The following KHDRBS1 variants were observed in gnomAD, a reference collection of about 807,000 sequenced individuals.
The protein encoded by KHDRBS1 is KH RNA binding domain containing, signal transduction associated 1.
A neutral mutation model predicts 48.4 loss-of-function variants in KHDRBS1; 7 were observed. The observed-to-expected ratio is 0.14, with a 90% confidence interval of 0.08 to 0.27. KHDRBS1 has a LOEUF of 0.27. KHDRBS1 is among the 10% of genes least tolerant of loss of function. The probability of loss-of-function intolerance (pLI) is 1.00; values close to 1 mark genes in which losing one functional copy is unlikely to be tolerated. For missense variants in KHDRBS1, 458 were observed against 601.2 expected (o/e 0.76, Z 2.49); for synonymous variants, 241 against 235.8 (o/e 1.02, Z -0.20).
At chr1:32,019,613 A>T (rs1638816993) in intron 1 of KHDRBS1, among the ~76,000 whole-genome samples, 1 of 152,230 alleles carries the variant, frequency 6.6e-6, no homozygotes, top group Non-Finnish European at 1.5e-5. Context: ...TGCAGGCAAC[A>T]ACATGGAGAA....
At chr1:32,060,119 C>T (rs1212103320) in intron 10 of KHDRBS1, 2 of 152,152 alleles carry the variant, frequency 1.3e-5, no homozygotes, top group Non-Finnish European at 2.9e-5. Context: ...TGGGAAGCCC[C>T]CTAATAGGGA....
intron 8 of KHDRBS1, among the ~76,000 whole-genome samples, chr1:32,040,688 G>A (rs1354310605): frequency 6.6e-6 from 1 of 152,200 alleles, no homozygotes; most frequent in Non-Finnish European, 1.5e-5. Context: ...TGGATGCAGC[G>A]AGAGCTACCT....
At chr1:32,041,565 A>G (rs1298311592) in intron 8 of KHDRBS1, among the ~76,000 whole-genome samples, 1 of 149,442 alleles carries the variant, frequency 6.7e-6, no homozygotes, top group Non-Finnish European at 1.5e-5. Context: ...GACTTAAGAA[A>G]GGAGATAAGG....
intron 1 of KHDRBS1, among the ~76,000 whole-genome samples, chr1:32,015,421 G>A (rs1161567152): frequency 3.3e-5 from 5 of 152,126 alleles, no homozygotes; most frequent in African/African-American, 7.2e-5. Context: ...TGAGTAGTTG[G>A]ACTCTTTGGC....
intron 7 of KHDRBS1, 106 bp downstream of exon 7, chr1:32,038,725 G>C: frequency 9.3e-7 from 1 of 1,076,250 alleles, no homozygotes; most frequent in Non-Finnish European, 1.4e-6. Context: ...AGAATGGTTC[G>C]CCTTTTGAGG....
At chr1:32,045,721 A>C (rs1639348520), downstream of KHDRBS1, among the ~76,000 whole-genome samples, 1 of 152,248 alleles carries the variant, frequency 6.6e-6, no homozygotes, top group Non-Finnish European at 1.5e-5. Flanking sequence ...AAAGGTGTTA[A>C]GGGCTCAATG....
Position 32,020,070 on chromosome 1 carries a change from A to T in KHDRBS1, c.382+5693A>T, listed in dbSNP as rs901212848. On this transcript the variant is annotated intron_variant, in intron 1 of 8. Transcript: ENST00000327300. ...GGTGTGAGCCACCATGCCCAGCCCA[A>T]TGCAGGTTTTGTTTGTTTGTTTGTT... Among the ~76,000 whole-genome samples, 7 of 151,612 alleles carry T rather than the reference A, an allele frequency of 4.6e-5. No homozygotes were observed. In the South Asian group the frequency reaches 1.3e-3, roughly 27 times the overall value.
In KHDRBS1 at chr1:32,051,771, C is replaced by G. The variant is rs1639425983; in HGVS notation, n.1301+6381C>G. ...AGGGTTTGTCCCACCTTTATACTCT[C>G]TTCCACCAAATCCCACCTCCTGTCC... On this transcript the variant is annotated intron_variant and non_coding_transcript_variant, in intron 10 of 10. Coordinates refer to the KHDRBS1 transcript ENST00000484270. Among the ~76,000 whole-genome samples the G allele has an allele frequency of 2.0e-5, 3 of 152,222 alleles. No homozygotes were observed. In the South Asian group the frequency reaches 6.2e-4, roughly 32 times the overall value.
Position 32,037,162 on chromosome 1 carries a change from G to A in KHDRBS1, c.905+119G>A, listed in dbSNP as rs191453501. On this transcript the variant is annotated intron_variant, in intron 5 of 8. Transcript: ENST00000327300. ...TCTCAGGATTTGTATGTTGCATAAA[G>A]AACAGAATTCTACAACCATACTCTC... is the stretch of plus-strand genomic sequence containing the variant. 2,262 of 1,141,158 alleles carry A rather than the reference G, an allele frequency of 2.0e-3. 1 individual carries two copies. The highest frequency in any genetic ancestry group is 2.6e-3 in the Non-Finnish European group (2,078 of 812,970). 70.7% of individuals were successfully genotyped at this position (1,141,158 alleles called of 1,614,324 possible).
chr1:32,059,336 A>T (rs1639518012), intron 10 of KHDRBS1, among the ~76,000 whole-genome samples: 1 of 151,868 alleles, frequency 6.6e-6, no homozygotes, highest in Non-Finnish European at 1.5e-5. Flanking sequence ...GCAAGCCATT[A>T]AGAGGATCCC....
Position 32,037,873 on chromosome 1 carries a change from G to A in KHDRBS1, c.944G>A (p.Arg315His), listed in dbSNP as rs752942095. 5.0e-6 allele frequency: 8 copies of A among 1,614,096 alleles called. No individual in the cohort carries two copies. The Admixed American group carries it at 1.0e-4, about 20-fold the overall frequency. The part of the protein sequence containing the change: ...GVGPPRGALV[R>H]GTPVRGAITR... ...GGACCACCTCGGGGGGCTTTGGTACGTGGTACACCAGTAAGGGGAGCCATC... is the reference window on the plus strand; with the variant it reads ...GGACCACCTCGGGGGGCTTTGGTACATGGTACACCAGTAAGGGGAGCCATC... Residue 315 changes from arginine to histidine, a missense_variant, in exon 6 of 9, where the codon CGT becomes CAT. Physicochemically the swap from Arg to His is conservative, Grantham distance 29 (BLOSUM62 0). Coordinates refer to ENST00000327300, the MANE Select transcript of KHDRBS1 (RefSeq NM_006559.3).
chr1:32,040,913 C>T (rs1389404697), intron 8 of KHDRBS1, among the ~76,000 whole-genome samples: 1 of 152,180 alleles, frequency 6.6e-6, no homozygotes, highest in Admixed American at 6.5e-5. Context: ...CCCAAGGAAA[C>T]TGTTTTTACC....
intron 8 of KHDRBS1, among the ~76,000 whole-genome samples, chr1:32,041,286 AG>A (rs1639279000): frequency 6.6e-6 from 1 of 152,230 alleles, no homozygotes; most frequent in South Asian, 2.1e-4. Context: ...GGGTATAATT[AG>A]GGTTCTGTGT....
At chr1:32,034,980 CAAA>C (rs1191929332) in intron 4 of KHDRBS1, among the ~76,000 whole-genome samples, 4 of 72,942 alleles carry the variant, frequency 5.5e-5, no homozygotes, top group Admixed American at 1.6e-4. Flanking sequence ...GGCTCTGTCT[CAAA>C]AAAAAAAAAA....
Position 32,033,216 on chromosome 1 carries a change from C to A in KHDRBS1, c.653C>A (p.Pro218His). The A allele has an allele frequency of 1.2e-6, 2 of 1,614,042 alleles. No homozygotes were observed. Among genetic ancestry groups the A allele is most frequent in the Non-Finnish European group, 1.7e-6 (2 of 1,179,946 alleles). ...KEEELRKGGD[P>H]KYAHLNMDLH... Reference sequence around the variant, plus strand: ...GAAGAGCTGCGCAAAGGTGGAGACCCCAAATATGCCCACTTGAATATGGAT... The same window carrying A: ...GAAGAGCTGCGCAAAGGTGGAGACCACAAATATGCCCACTTGAATATGGAT... The change falls in exon 4 of 9, where the codon CCC becomes CAC. Residue 218 changes from proline (P) to histidine (H), a missense_variant. Physicochemically the swap from Pro to His is moderately conservative, Grantham distance 77. This residue lies in a region of KHDRBS1 where 74 missense variants were observed against 156.9 expected (regional missense o/e 0.47). Transcript: ENST00000327300.
At chr1:32,017,598 TA>T (rs1638767677) in intron 1 of KHDRBS1, among the ~76,000 whole-genome samples, 1 of 129,200 alleles carries the variant, frequency 7.7e-6, no homozygotes, top group African/African-American at 3.0e-5. Context: ...GTTCTTTTTC[TA>T]CTTTTTTTTT....
At chr1:32,050,539 G>A (rs1639406169) in intron 10 of KHDRBS1, among the ~76,000 whole-genome samples, 1 of 152,010 alleles carries the variant, frequency 6.6e-6, no homozygotes, top group Non-Finnish European at 1.5e-5. Flanking sequence ...TGGAGACAGA[G>A]TCTGACTCTG....
intron 1 of KHDRBS1, among the ~76,000 whole-genome samples, chr1:32,015,612 C>G (rs1026178986): frequency 6.6e-6 from 1 of 152,218 alleles, no homozygotes; most frequent in Admixed American, 6.5e-5. Flanking sequence ...AGTCTCCCCT[C>G]ACTGCTTAAC....
At chr1:32,019,896 C>T (rs908692106) in intron 1 of KHDRBS1, among the ~76,000 whole-genome samples, 12 of 151,980 alleles carry the variant, frequency 7.9e-5, no homozygotes, top group South Asian at 2.1e-4. Context: ...CTCAGCCTCC[C>T]GAGTAGGTGG....
Sources: gnomAD v4.1 joint callset for allele counts (sites outside exome capture counted in the v4.1 genomes callset) on GRCh38, gnomAD v4.1.1 for gene constraint, gnomAD v4.1.1 regional missense constraint, MANE v1.5 for transcripts, NCBI Gene and HGNC (gene_info 2026-07-23, HGNC 2026-07-21) for gene names.